The following B4GALNT3 variants were observed in gnomAD, a reference collection of about 807,000 sequenced individuals.
The protein encoded by B4GALNT3 is beta-1,4-N-acetyl-galactosaminyltransferase 3, also known as beta-1,4-N-acetylgalactosaminyltransferase 3.
Under a neutral mutation model 120.2 loss-of-function variants are expected in B4GALNT3, and 86 were observed. The observed-to-expected ratio is 0.72, with a 90% CI of 0.60 to 0.86. The LOEUF (loss-of-function observed/expected upper bound fraction) is 0.86, where lower values mean the gene tolerates loss of function less well. Ranked by LOEUF, B4GALNT3 falls within the 40% of genes least tolerant of loss-of-function variation. The pLI, the probability that B4GALNT3 is intolerant of heterozygous loss-of-function variation, is 0.00. For synonymous variants in B4GALNT3, 518 were observed against 510.4 expected, an observed-to-expected ratio of 1.01 and a Z score of -0.20; for missense variants, 1,167 against 1,298.9, an observed-to-expected ratio of 0.90 and a Z score of 1.56.
At position 554,769 on chromosome 12, in the gene B4GALNT3, G is replaced by C. The variant is rs1294070038; in HGVS notation, c.2060+786G>C. ...TGCGCCACTGCACTCCAGCCTGGGC[G>C]ACAGAGCAAGACTCCGTCTCAAAAA... is the stretch of plus-strand genomic sequence containing the variant. On this transcript the variant is annotated intron_variant, in intron 14 of 19. Transcript: ENST00000266383. Among the ~76,000 whole-genome samples, 36 of 95,394 alleles carry C rather than the reference G, an allele frequency of 3.8e-4. 1 individual carries two copies. The highest frequency in any genetic ancestry group is 1.3e-3 in the African/African-American group (28 of 22,330). The allele number at this position is 95,394 out of a possible 152,430, so 62.6% of individuals were successfully genotyped here.
intron 1 of B4GALNT3, among the ~76,000 whole-genome samples, chr12:515,341 G>T (rs1340992955): frequency 6.6e-6 from 1 of 151,848 alleles, no homozygotes; most frequent in African/African-American, 2.4e-5. Flanking sequence ...CTACAGGCGG[G>T]CACCACCACA....
intron 1 of B4GALNT3, among the ~76,000 whole-genome samples, chr12:511,833 CCTT>C (rs756497402): frequency 1.2e-3 from 76 of 64,990 alleles, no homozygotes; most frequent in Non-Finnish European, 1.6e-3. Flanking sequence ...CCACCTTCCA[CCTT>C]CTTCCACCTT....
chr12:553,027 AGGTTGAGTACCTTGCCCAG>A, intron 13 of B4GALNT3, 148 bp from the exon 14 acceptor site: 2 of 902,658 alleles, frequency 2.2e-6, no homozygotes, highest in South Asian at 3.3e-5. Flanking sequence ...GGGTTAATTG[AGGTTGAGTACCTTGCCCAG>A]GGTCACACAG....
At chr12:461,665 C>T (rs1295139606) in intron 1 of B4GALNT3, among the ~76,000 whole-genome samples, 7 of 152,180 alleles carry the variant, frequency 4.6e-5, no homozygotes, top group African/African-American at 1.4e-4. Flanking sequence ...CTGACTCTGA[C>T]CTGTCGTCGT....
intron 3 of B4GALNT3, among the ~76,000 whole-genome samples, chr12:540,934 G>A (rs1946907415): frequency 6.6e-6 from 1 of 152,090 alleles, no homozygotes. Context: ...TAGTAGAGAT[G>A]GGGTTTCACC....
At chr12:486,605 C>A (rs369058312) in intron 1 of B4GALNT3, among the ~76,000 whole-genome samples, 8 of 152,174 alleles carry the variant, frequency 5.3e-5, no homozygotes, top group African/African-American at 1.9e-4. Flanking sequence ...ATACCCAACA[C>A]CAGCCCCTTC....
intron 1 of B4GALNT3, among the ~76,000 whole-genome samples, chr12:471,713 A>G (rs1001020609): frequency 1.3e-5 from 1 of 78,444 alleles, no homozygotes; most frequent in Non-Finnish European, 2.5e-5. Flanking sequence ...TCTCAAAATA[A>G]TAATAAAAAA....
intron 1 of B4GALNT3, among the ~76,000 whole-genome samples, chr12:500,048 C>T (rs1946423582): frequency 1.3e-5 from 2 of 152,202 alleles, no homozygotes; most frequent in Non-Finnish European, 2.9e-5. Context: ...TGTTCGATAG[C>T]ACAGCATCCT....
chr12:559,553 C>T (rs935447586), intron 19 of B4GALNT3, 132 bp downstream of exon 19: 48 of 1,303,752 alleles, frequency 3.7e-5, no homozygotes, highest in Admixed American at 5.0e-5. Flanking sequence ...GCACTGGACT[C>T]GGAGGACGCC....
rs376825770 is a variant in B4GALNT3, at chr12:492,718, C to T, written c.169+32173C>T. Among the ~76,000 whole-genome samples, 40 of 152,058 alleles carry T rather than the reference C, an allele frequency of 2.6e-4. 1 individual carries two copies. Among genetic ancestry groups the T allele is most frequent in the South Asian group, 1.2e-3 (6 of 4,822 alleles). The stretch of plus-strand genomic sequence containing the variant: ...GACACTACCTGAATTCAAGAGAGTA[C>T]GGAGCTACAGTAATGAAGACACTGT... On this transcript the variant is annotated intron_variant, in intron 1 of 19. Coordinates refer to ENST00000266383, the MANE Select transcript of B4GALNT3 (RefSeq NM_173593.4).
Position 556,760 on chromosome 12 carries a change from C to T in B4GALNT3, c.2274C>T (p.His758=), listed in dbSNP as rs1947160663. The part of the protein sequence containing the change: ...RNLQGLVWDP[H]NRRRQVLNTR... ...TGCAAGGCCTGGTCTGGGACCCACA[C>T]AACCGTAGGAGACAGGTCCTGAATA... is the stretch of plus-strand genomic sequence containing the variant. The change falls in exon 15 of 20, where the codon CAC becomes CAT. Residue 758 remains histidine (H), a synonymous_variant. Coordinates refer to ENST00000266383, the MANE Select transcript of B4GALNT3 (RefSeq NM_173593.4). The T allele has an allele frequency of 6.2e-7, 1 of 1,612,800 alleles. No individual in the cohort carries two copies. The highest frequency in any genetic ancestry group is 1.1e-5 in the South Asian group (1 of 90,924).
At chr12:533,326 C>T (rs1946826034) in intron 1 of B4GALNT3, among the ~76,000 whole-genome samples, 1 of 152,226 alleles carries the variant, frequency 6.6e-6, no homozygotes, top group African/African-American at 2.4e-5. Flanking sequence ...ACTTCAGTGG[C>T]CCCAGCATCC....
intron 1 of B4GALNT3, among the ~76,000 whole-genome samples, chr12:525,472 G>A (rs1372901631): frequency 6.6e-6 from 1 of 152,192 alleles, no homozygotes; most frequent in Non-Finnish European, 1.5e-5. Flanking sequence ...CTGGTGAGGT[G>A]ATGCTCTCTT....
intron 3 of B4GALNT3, 106 bp from the exon 4 acceptor site, chr12:544,233 C>A: frequency 9.8e-7 from 1 of 1,022,374 alleles, no homozygotes; most frequent in Non-Finnish European, 1.5e-6. Context: ...CCTCCTGGAG[C>A]TGAGGGTCTG....
intron 1 of B4GALNT3, among the ~76,000 whole-genome samples, chr12:512,355 G>T (rs1476322365): frequency 6.5e-5 from 4 of 61,318 alleles, no homozygotes; most frequent in South Asian, 6.1e-4. Context: ...TCCACCTTCC[G>T]CCTTCGACCT....
rs192810926 is a variant in B4GALNT3 at position 536,312 on chromosome 12, T to A, written c.351+17T>A. On this transcript the variant is annotated intron_variant, in intron 3 of 19. Coordinates refer to ENST00000266383, the MANE Select transcript of B4GALNT3 (RefSeq NM_173593.4). ...CTCTCAGAGGTGAGGGACTTTCTATTGTACCTGCCCTTTGAGAGAGCTAAA... is the reference window on the plus strand; with the variant it reads ...CTCTCAGAGGTGAGGGACTTTCTATAGTACCTGCCCTTTGAGAGAGCTAAA... The A allele has an allele frequency of 6.4e-4, 1,022 of 1,590,056 alleles. No individual in the cohort carries two copies. The highest frequency in any genetic ancestry group is 8.3e-4 in the Non-Finnish European group (965 of 1,158,204).
At chr12:535,109 G>A (rs752054812) in intron 1 of B4GALNT3, 57 bp from the exon 2 acceptor site, 526 of 1,426,590 alleles carry the variant, frequency 3.7e-4, no homozygotes, top group Non-Finnish European at 4.7e-4. Context: ...AATCTTTTAG[G>A]TGTATGAGGT....
intron 3 of B4GALNT3, among the ~76,000 whole-genome samples, chr12:538,193 T>C (rs1339657807): frequency 6.6e-6 from 1 of 152,252 alleles, no homozygotes; most frequent in Non-Finnish European, 1.5e-5. Context: ...TTTATCCACT[T>C]GTTTTTGCCA....
chr12:511,909 C>T (rs1236301971), intron 1 of B4GALNT3, among the ~76,000 whole-genome samples: 28 of 126,270 alleles, frequency 2.2e-4, no homozygotes, highest in African/African-American at 5.4e-4. Flanking sequence ...CTTCCGCCTT[C>T]GACCTTCTTC....
Sources: gnomAD v4.1 joint callset for allele counts (sites outside exome capture counted in the v4.1 genomes callset) on GRCh38, gnomAD v4.1.1 for gene constraint, MANE v1.5 for transcripts, NCBI Gene and HGNC (gene_info 2026-07-23, HGNC 2026-07-21) for gene names.